The following KHDC1 variants were observed in gnomAD, a reference collection of about 807,000 sequenced individuals.
KHDC1 encodes KH homology domain-containing protein 1.
A neutral mutation model predicts 24.7 loss-of-function variants in KHDC1; 21 were observed. That is an observed-to-expected ratio of 0.85 (90% CI 0.60 to 1.23). The LOEUF (loss-of-function observed/expected upper bound fraction) is 1.23, where lower values mean the gene tolerates loss of function less well. KHDC1 is among the 50% of genes most tolerant of loss of function. KHDC1 has a pLI of 0.00. For synonymous variants in KHDC1, 98 were observed against 111.7 expected (o/e 0.88, Z 0.77); for missense variants, 274 against 298.5 (o/e 0.92, Z 0.61).
intron 2 of KHDC1, among the ~76,000 whole-genome samples, chr6:73,286,149 C>G (rs920694027): frequency 3.3e-5 from 5 of 152,192 alleles, no homozygotes; most frequent in African/African-American, 1.2e-4. Context: ...ATCCTGCTGC[C>G]AAACCATACC....
intron 2 of KHDC1, among the ~76,000 whole-genome samples, chr6:73,271,763 G>A (rs1344348873): frequency 2.0e-5 from 3 of 151,468 alleles, no homozygotes; most frequent in Non-Finnish European, 2.9e-5. Context: ...GCATGGCCGC[G>A]CATGCCTGTA....
intron 2 of KHDC1, among the ~76,000 whole-genome samples, chr6:73,251,628 G>A (rs1766778084): frequency 1.3e-5 from 2 of 152,006 alleles, no homozygotes; most frequent in South Asian, 4.1e-4. Context: ...ATGTTTCAAT[G>A]TCTTCTATTT....
At chr6:73,246,829 G>A (rs1311872071) in intron 2 of KHDC1, among the ~76,000 whole-genome samples, 2 of 151,850 alleles carry the variant, frequency 1.3e-5, no homozygotes, top group Non-Finnish European at 2.9e-5. Flanking sequence ...AAGCAAACCT[G>A]AATATTCCTT....
chr6:73,256,299 T>C (rs1315063042), intron 2 of KHDC1, among the ~76,000 whole-genome samples: 1 of 152,234 alleles, frequency 6.6e-6, no homozygotes, highest in Non-Finnish European at 1.5e-5. Flanking sequence ...AATTCATTTC[T>C]AGAAAATAGC....
intron 2 of KHDC1, among the ~76,000 whole-genome samples, chr6:73,261,047 G>T (rs1766971081): frequency 6.6e-6 from 1 of 152,182 alleles, no homozygotes. Context: ...CATCATGGAA[G>T]AGTAATTACC....
At chr6:73,309,757 G>A (rs964295105) in exon 1 of KHDC1, 2 of 1,545,166 alleles carry the variant, frequency 1.3e-6, no homozygotes, top group Non-Finnish European at 8.7e-7. Context: ...GCTAAGGCAC[G>A]AGTAGTACAG....
chr6:73,242,124 T>G, exon 4 of KHDC1: 1 of 1,614,194 alleles, frequency 6.2e-7, no homozygotes, highest in Admixed American at 1.7e-5. Context: ...TGCCTTGCCC[T>G]GTGTGGTCCG....
chr6:73,244,846 T>C (rs964019552), intron 2 of KHDC1, among the ~76,000 whole-genome samples: 1 of 151,978 alleles, frequency 6.6e-6, no homozygotes, highest in South Asian at 2.1e-4. Flanking sequence ...GGTGGGAAAA[T>C]TGCTTGAGCA....
intron 1 of KHDC1, chr6:73,309,499 C>T (rs549918225): frequency 5.1e-5 from 74 of 1,465,006 alleles, no homozygotes; most frequent in Admixed American, 1.1e-4. Flanking sequence ...CTCGCCTTTC[C>T]GGGCACCTGG....
chr6:73,290,695 A>G (rs999908921), intron 2 of KHDC1: 2 of 448,222 alleles, frequency 4.5e-6, no homozygotes, highest in Non-Finnish European at 8.7e-6. Flanking sequence ...TGCTGGAGCC[A>G]CATGTATTGC....
intron 1 of KHDC1, among the ~76,000 whole-genome samples, chr6:73,296,672 TTC>T (rs559489282): frequency 3.9e-5 from 6 of 152,184 alleles, no homozygotes; most frequent in African/African-American, 1.4e-4. Context: ...ATTCAGATAG[TTC>T]TCTTTCTAGC....
At chr6:73,258,443 A>G (rs557407891) in intron 2 of KHDC1, among the ~76,000 whole-genome samples, 7 of 152,104 alleles carry the variant, frequency 4.6e-5, no homozygotes, top group Non-Finnish European at 1.0e-4. Context: ...ACCCTGTCTC[A>G]AAAAAGAAAA....
chr6:73,307,238 G>A (rs1369293012), intron 1 of KHDC1, among the ~76,000 whole-genome samples: 1 of 151,850 alleles, frequency 6.6e-6, no homozygotes, highest in Non-Finnish European at 1.5e-5. Context: ...GACCAGCCTG[G>A]ACAAGATGGT....
At chr6:73,260,523 C>T (rs1235396340) in intron 2 of KHDC1, among the ~76,000 whole-genome samples, 1 of 152,098 alleles carries the variant, frequency 6.6e-6, no homozygotes, top group Non-Finnish European at 1.5e-5. Flanking sequence ...ATTTTGCATA[C>T]CTCTTTTTGA....
At chr6:73,245,082 T>G (rs1221134075) in intron 2 of KHDC1, among the ~76,000 whole-genome samples, 1 of 152,188 alleles carries the variant, frequency 6.6e-6, no homozygotes, top group Non-Finnish European at 1.5e-5. Context: ...TTGGTTGGCC[T>G]CTAGGGGACA....
intron 2 of KHDC1, among the ~76,000 whole-genome samples, chr6:73,285,169 A>C (rs1477800560): frequency 6.6e-6 from 1 of 151,728 alleles, no homozygotes; most frequent in African/African-American, 2.4e-5. Flanking sequence ...TAAATATCCC[A>C]CTCTTTAAAT....
At chr6:73,242,297 G>A (rs1766587484) in intron 3 of KHDC1, 60 bp from the exon 3 acceptor site, 2 of 1,603,138 alleles carry the variant, frequency 1.2e-6, no homozygotes, top group Admixed American at 1.7e-5. Flanking sequence ...GGAATGGGGA[G>A]GTGGCCTTCA....
intron 2 of KHDC1, among the ~76,000 whole-genome samples, chr6:73,251,371 G>C (rs900539635): frequency 2.6e-5 from 4 of 152,108 alleles, no homozygotes; most frequent in Non-Finnish European, 4.4e-5. Context: ...TCAAACCTGA[G>C]AAAATACACT....
chr6:73,257,620 AT>A (rs1269362961), intron 2 of KHDC1, among the ~76,000 whole-genome samples: 3 of 151,912 alleles, frequency 2.0e-5, no homozygotes, highest in Non-Finnish European at 4.4e-5. Flanking sequence ...GATGGTCTCA[AT>A]CTCCTGACCT....
Sources: allele counts gnomAD v4.1 joint callset (sites outside exome capture counted in the v4.1 genomes callset), GRCh38; gene constraint gnomAD v4.1.1; transcripts MANE v1.5; gene names NCBI Gene and HGNC (gene_info 2026-07-23, HGNC 2026-07-21).